BCAP29: variants seen among roughly 807,000 people sequenced by gnomAD.
BCAP29 encodes B cell receptor associated protein 29.
BCAP29 carries 34 observed loss-of-function variants against 31.8 expected under a neutral mutation model. That is an observed-to-expected ratio of 1.07 (90% CI 0.81 to 1.42). The LOEUF is 1.42. Ranked by LOEUF, BCAP29 falls within the 40% of genes most tolerant of loss-of-function variation. The probability of loss-of-function intolerance (pLI) is 0.00; values close to 1 mark genes in which losing one functional copy is unlikely to be tolerated. For synonymous variants in BCAP29, 104 were observed against 91.3 expected (o/e 1.14, Z -0.79); for missense variants, 314 against 269.2 (o/e 1.17, Z -1.16).
At chr7:107,599,693 G>A (rs80241216) in intron 5 of BCAP29, among the ~76,000 whole-genome samples, 1,965 of 151,808 alleles carry the variant, frequency 0.013, 55 homozygotes, top group African/African-American at 0.043. Flanking sequence ...TATAGTTTCT[G>A]TACACAATAC....
intron 6 of BCAP29, among the ~76,000 whole-genome samples, chr7:107,603,804 G>A (rs897189193): frequency 6.6e-6 from 1 of 151,442 alleles, no homozygotes; most frequent in South Asian, 2.1e-4. Context: ...ACAGGGTCTC[G>A]CTTTGCTACT....
chr7:107,583,547 A>G (rs1456109398), intron 2 of BCAP29, among the ~76,000 whole-genome samples: 5 of 152,296 alleles, frequency 3.3e-5, no homozygotes, highest in Admixed American at 3.3e-4. Flanking sequence ...TTCTCTGACC[A>G]TGAAAAAGAT....
intron 6 of BCAP29, among the ~76,000 whole-genome samples, chr7:107,605,661 T>C (rs1440100483): frequency 6.6e-6 from 1 of 152,240 alleles, no homozygotes; most frequent in Non-Finnish European, 1.5e-5. Flanking sequence ...TTGTGCTGTA[T>C]GGTTGAGGGG....
Position 107,604,196 on chromosome 7 carries a change from A to G in BCAP29, c.589+3691A>G, listed in dbSNP as rs532403551. On this transcript the variant is annotated intron_variant, in intron 6 of 7. Coordinates refer to ENST00000005259, the MANE Select transcript of BCAP29 (RefSeq NM_018844.4). Reference sequence around the variant, plus strand: ...ACTCTCTTCCTGGATAAATGCTTTCATATCACCTTGACTTACGTTGAACAA... The same window carrying G: ...ACTCTCTTCCTGGATAAATGCTTTCGTATCACCTTGACTTACGTTGAACAA... Among the ~76,000 whole-genome samples the G allele has an allele frequency of 2.6e-5, 4 of 152,288 alleles. No homozygotes were observed. The East Asian group carries it at 5.8e-4, about 22-fold the overall frequency.
chr7:107,616,333 A>T (rs1427368268), intron 7 of BCAP29: 4 of 152,262 alleles, frequency 2.6e-5, no homozygotes, highest in Non-Finnish European at 5.9e-5. Context: ...CAGCCCAAGA[A>T]GTGGTGGTGG....
At chr7:107,599,720 A>G (rs1000611368) in intron 5 of BCAP29, among the ~76,000 whole-genome samples, 2 of 152,036 alleles carry the variant, frequency 1.3e-5, no homozygotes, top group Admixed American at 6.6e-5. Flanking sequence ...TTAAATTTTT[A>G]CTCCATGATA....
At position 107,618,629 on chromosome 7, in the gene BCAP29, T is replaced by G; in HGVS notation, c.*266T>G. 1 of 1,480,480 alleles carries G rather than the reference T, an allele frequency of 6.8e-7. No homozygotes were observed. The allele number at this position is 1,480,480 out of a possible 1,614,324, so 91.7% of individuals were successfully genotyped here. On this transcript the variant is annotated 3_prime_UTR_variant, in exon 8 of 8. Coordinates refer to ENST00000005259, the MANE Select transcript of BCAP29 (RefSeq NM_018844.4). ...GATAATGTCATTGGTATATGGTGGC[T>G]GTTTACCAATAAAAGGAAAAAATTC...
chr7:107,615,919 C>A (rs1156943079), intron 7 of BCAP29: 3 of 152,194 alleles, frequency 2.0e-5, no homozygotes, highest in Non-Finnish European at 4.4e-5. Flanking sequence ...AAACTGAGAC[C>A]CAGAGATGTT....
intron 4 of BCAP29, 52 bp from the exon 5 acceptor site, chr7:107,595,815 A>T: frequency 6.4e-7 from 1 of 1,568,156 alleles, no homozygotes; most frequent in Non-Finnish European, 8.6e-7. Flanking sequence ...CTGTTTTAAA[A>T]TAAGTTTCTG....
chr7:107,605,244 A>G (rs1414170287), intron 6 of BCAP29, among the ~76,000 whole-genome samples: 1 of 152,224 alleles, frequency 6.6e-6, no homozygotes, highest in African/African-American at 2.4e-5. Context: ...AAGATACCTT[A>G]TATATTATTC....
At chr7:107,613,480 T>C (rs1226404520) in intron 7 of BCAP29, 48 bp downstream of exon 7, 1 of 1,427,014 alleles carries the variant, frequency 7.0e-7, no homozygotes, top group Admixed American at 1.8e-5. Flanking sequence ...GAAATAGTAA[T>C]TACCTAAGTA....
rs187296264 is a variant in BCAP29, at chr7:107,601,104, G to C, written c.589+599G>C. Among the ~76,000 whole-genome samples the C allele has an allele frequency of 2.0e-5, 3 of 152,042 alleles. 1 individual carries two copies. Among genetic ancestry groups the C allele is most frequent in the Admixed American group, 2.0e-4 (3 of 15,262 alleles). On this transcript the variant is annotated intron_variant, in intron 6 of 7. Coordinates refer to ENST00000005259, the MANE Select transcript of BCAP29 (RefSeq NM_018844.4). ...AATTTCTTCTACATTAAAAAAAAAA[G>C]TTTTGCTAGTGTTTTTTTCTTAGTC... is the stretch of plus-strand genomic sequence containing the variant.
rs943456976 is a variant in BCAP29, at chr7:107,613,617, G to T, written c.690+185G>T. 7.0e-6 allele frequency: 11 copies of T among 1,568,584 alleles called. No homozygotes were observed. The African/African-American group carries it at 1.4e-4, about 20-fold the overall frequency. ...ATTAGGACATTGCAGGAAAATACAA[G>T]ATAATTTTAAGGAATTGCTGACTTG... On this transcript the variant is annotated intron_variant, in intron 7 of 7. Transcript: ENST00000005259.
rs1254195194 is a variant in BCAP29 at position 107,580,666 on chromosome 7, G to T, written c.-14-93G>T. On this transcript the variant is annotated intron_variant, in intron 1 of 7. Coordinates refer to ENST00000005259, the MANE Select transcript of BCAP29 (RefSeq NM_018844.4). The stretch of plus-strand genomic sequence containing the variant: ...CCCAGGTGGGGGAAGGTGGAACACT[G>T]TCCATCCCCTGGACAAAAACGCTGC... The T allele has an allele frequency of 4.8e-6, 4 of 826,250 alleles. No homozygotes were observed. In the Admixed American group the frequency reaches 1.1e-4, roughly 22 times the overall value. The allele number at this position is 826,250 out of a possible 1,614,324, so 51.2% of individuals were successfully genotyped here.
chr7:107,622,077 A>G (rs973177164), downstream of BCAP29: 1 of 427,326 alleles, frequency 2.3e-6, no homozygotes, highest in African/African-American at 2.1e-5. Context: ...CTTCAACTGT[A>G]TTTTGCCATT....
In BCAP29 at chr7:107,613,371, T is replaced by G; in HGVS notation, c.629T>G (p.Met210Arg). 3 of 1,613,078 alleles carry G rather than the reference T, an allele frequency of 1.9e-6. No homozygotes were observed. The highest frequency in any genetic ancestry group is 2.5e-6 in the Non-Finnish European group (3 of 1,179,220). ...KAQNDVMEMK[M>R]QSERLSKEYD... ...CAAAATGATGTGATGGAAATGAAGA[T>G]GCAGTCAGAGAGACTTTCGAAAGAA... is the stretch of plus-strand genomic sequence containing the variant. The change falls in exon 7 of 8, where the codon ATG (methionine) becomes AGG (arginine). Residue 210 changes from methionine to arginine, a missense_variant. Transcript: ENST00000005259.
rs1814829550 is a variant in BCAP29 at position 107,620,291 on chromosome 7, AGCTATAATTT to A, written c.*1933_*1942del. ...CCGCTCTTCTGGTTATACACAGACC[AGCTATAATTT>A]GCTAAACATAAAATATTGCAGTGTA... On this transcript the variant is annotated 3_prime_UTR_variant, in exon 8 of 8. Transcript: ENST00000005259. 2 of 152,156 alleles carry A rather than the reference AGCTATAATTT, an allele frequency of 1.3e-5. No individual in the cohort carries two copies. Among genetic ancestry groups the A allele is most frequent in the South Asian group, 4.1e-4 (2 of 4,826 alleles). The allele number at this position is 152,156 out of a possible 1,614,324, so 9.4% of individuals were successfully genotyped here.
chr7:107,616,773 C>G (rs1276130668), intron 7 of BCAP29, among the ~76,000 whole-genome samples: 1 of 152,136 alleles, frequency 6.6e-6, no homozygotes, highest in East Asian at 1.9e-4. Flanking sequence ...GTGTCTCACT[C>G]TGTCACCAAG....
At chr7:107,580,543 G>T (rs1288447395) in intron 1 of BCAP29, 3 of 456,734 alleles carry the variant, frequency 6.6e-6, no homozygotes, top group Admixed American at 9.1e-5. Context: ...AGTGGCCAGC[G>T]AGCCGCCTCG....
Sources: allele counts gnomAD v4.1 joint callset (sites outside exome capture counted in the v4.1 genomes callset), GRCh38; gene constraint gnomAD v4.1.1; transcripts MANE v1.5; gene names NCBI Gene and HGNC (gene_info 2026-07-23, HGNC 2026-07-21).